The following COL6A6 variants were observed in gnomAD, a reference collection of about 807,000 sequenced individuals.
COL6A6 encodes the protein collagen alpha-6(VI) chain.
A neutral mutation model predicts 208.6 loss-of-function variants in COL6A6; 183 were observed. That is an observed-to-expected ratio of 0.88 (90% CI 0.78 to 0.99). COL6A6 has a LOEUF of 0.99. Ranked by LOEUF, COL6A6 falls within the 50% of genes least tolerant of loss-of-function variation. The probability of loss-of-function intolerance (pLI) is 0.00; values close to 1 mark genes in which losing one functional copy is unlikely to be tolerated. For synonymous variants in COL6A6, 973 were observed against 1,011.8 expected, an observed-to-expected ratio of 0.96 and a Z score of 0.73; for missense variants, 2,816 against 2,815.2, an observed-to-expected ratio of 1.00 and a Z score of -0.01.
At chr3:130,525,011 A>G (rs973421757) in intron 1 of COL6A6, among the ~76,000 whole-genome samples, 1 of 152,216 alleles carries the variant, frequency 6.6e-6, no homozygotes, top group African/African-American at 2.4e-5. Flanking sequence ...TGAACTCAGC[A>G]CTTATTAAAC....
chr3:130,642,707 C>T (rs1169798488), intron 29 of COL6A6, 125 bp from the exon 30 acceptor site: 7 of 775,246 alleles, frequency 9.0e-6, no homozygotes, highest in Admixed American at 2.8e-5. Context: ...TCTTTTTTGC[C>T]TCTTACAATT....
intron 19 of COL6A6, among the ~76,000 whole-genome samples, chr3:130,599,064 C>T (rs978728011): frequency 6.6e-6 from 1 of 152,198 alleles, no homozygotes; most frequent in African/African-American, 2.4e-5. Context: ...TGCTCCGTTG[C>T]TTACCAGCTC....
intron 28 of COL6A6, among the ~76,000 whole-genome samples, chr3:130,636,652 C>A (rs999408776): frequency 1.3e-5 from 2 of 151,876 alleles, no homozygotes; most frequent in Non-Finnish European, 2.9e-5. Flanking sequence ...TTTCTACAAA[C>A]TATACGATCT....
At chr3:130,642,890 A>G (rs757620219) in intron 30 of COL6A6, 23 bp downstream of exon 30, 2 of 1,613,830 alleles carry the variant, frequency 1.2e-6, no homozygotes, top group Non-Finnish European at 1.7e-6. Flanking sequence ...CGACTACAAC[A>G]GAGTGCTCTG....
intron 33 of COL6A6, among the ~76,000 whole-genome samples, chr3:130,655,518 T>C (rs1357477760): frequency 6.6e-6 from 1 of 152,142 alleles, no homozygotes; most frequent in Non-Finnish European, 1.5e-5. Flanking sequence ...CACAAGTTCA[T>C]GGAGCTTGAA....
intron 2 of COL6A6, among the ~76,000 whole-genome samples, chr3:130,561,016 TA>T (rs1469074960): frequency 6.6e-6 from 1 of 152,242 alleles, no homozygotes; most frequent in African/African-American, 2.4e-5. Context: ...ACTGACCTTG[TA>T]AGCAAGTTTT....
intron 22 of COL6A6, 25 bp downstream of exon 22, chr3:130,608,989 G>A (rs1385480739): frequency 1.9e-6 from 3 of 1,571,918 alleles, no homozygotes; most frequent in East Asian, 2.2e-5. Context: ...CAATCAGGGT[G>A]TGAGAACATA....
Position 130,610,670 on chromosome 3 carries a change from G to T in COL6A6, c.4774G>T (p.Val1592Leu), listed in dbSNP as rs1208749864. 1.9e-6 allele frequency: 3 copies of T among 1,592,224 alleles called. No homozygotes were observed. The South Asian group carries it at 3.5e-5, about 18-fold the overall frequency. Reference sequence around the variant, plus strand: ...TTAGGGCCCAAGAGGAGAGGCTGGTGTGAAAGGAGAAAAAGGAGGTGTGGG... The same window carrying T: ...TTAGGGCCCAAGAGGAGAGGCTGGTTTGAAAGGAGAAAAAGGAGGTGTGGG... Reference protein sequence around the residue: ...GPQGPRGEAGVKGEKGGVGSK... With the variant: ...GPQGPRGEAGLKGEKGGVGSK... The change falls in exon 23 of 37, where the codon GTG (valine) becomes TTG (leucine). Residue 1592 changes from valine (V) to leucine (L), a missense_variant. Transcript: ENST00000358511.
intron 19 of COL6A6, among the ~76,000 whole-genome samples, chr3:130,599,549 T>A (rs1445718281): frequency 6.6e-6 from 1 of 152,204 alleles, no homozygotes; most frequent in Non-Finnish European, 1.5e-5. Context: ...TGAAGCCATG[T>A]CATTAGCATT....
intron 20 of COL6A6, among the ~76,000 whole-genome samples, chr3:130,604,368 G>T (rs900336945): frequency 1.3e-5 from 2 of 152,084 alleles, no homozygotes; most frequent in Admixed American, 6.5e-5. Flanking sequence ...GGTGGCGGGC[G>T]CCTGTAGTCC....
chr3:130,562,219 A>G (rs2062907145), intron 2 of COL6A6, among the ~76,000 whole-genome samples: 1 of 152,224 alleles, frequency 6.6e-6, no homozygotes, highest in Non-Finnish European at 1.5e-5. Context: ...ATTCTATATC[A>G]TGTAAAAATG....
chr3:130,613,232 G>T, intron 23 of COL6A6, among the ~76,000 whole-genome samples: 1 of 152,182 alleles, frequency 6.6e-6, no homozygotes, highest in East Asian at 1.9e-4. Flanking sequence ...TTCTGCATAT[G>T]GCTAGCCAGT....
chr3:130,651,683 G>A (rs2065649602), intron 33 of COL6A6, among the ~76,000 whole-genome samples: 1 of 152,144 alleles, frequency 6.6e-6, no homozygotes, highest in African/African-American at 2.4e-5. Context: ...GCTATGAGAA[G>A]TAGCAGTAGC....
chr3:130,548,782 T>A (rs2062578850), intron 1 of COL6A6, among the ~76,000 whole-genome samples: 1 of 152,188 alleles, frequency 6.6e-6, no homozygotes, highest in South Asian at 2.1e-4. Context: ...GCAGTTCAGG[T>A]TTTCCTACCC....
At position 130,676,559 on chromosome 3, in the gene COL6A6, C is replaced by T. The variant is rs1344755836; in HGVS notation, c.*1162C>T. On this transcript the variant is annotated 3_prime_UTR_variant, in exon 37 of 37. Transcript: ENST00000358511. Reference sequence around the variant, plus strand: ...ATGGCCCTGTTAGGCAGACTGTCCCCCTCTTTGGGAATGGAAAGAAGCCCT... The same window carrying T: ...ATGGCCCTGTTAGGCAGACTGTCCCTCTCTTTGGGAATGGAAAGAAGCCCT... 6.6e-6 allele frequency: 1 copy of T among 152,226 alleles called. No individual in the cohort carries two copies. The highest frequency in any genetic ancestry group is 1.5e-5 in the Non-Finnish European group (1 of 68,058). The allele number at this position is 152,226 out of a possible 1,614,324, so 9.4% of individuals were successfully genotyped here.
intron 15 of COL6A6, 128 bp from the exon 16 acceptor site, chr3:130,592,932 AT>A: frequency 1.1e-6 from 1 of 910,450 alleles, no homozygotes; most frequent in Non-Finnish European, 1.7e-6. Context: ...AACCTTTAAT[AT>A]TAATAACCCA....
At chr3:130,564,822 A>T (rs1257691603) in intron 3 of COL6A6, among the ~76,000 whole-genome samples, 172 bp from the exon 4 acceptor site, 1 of 152,218 alleles carries the variant, frequency 6.6e-6, no homozygotes, top group East Asian at 1.9e-4. Flanking sequence ...AGTTTAGCTA[A>T]GATGTAGTAT....
At chr3:130,646,856 C>A (rs1232001829) in intron 32 of COL6A6, among the ~76,000 whole-genome samples, 1 of 152,094 alleles carries the variant, frequency 6.6e-6, no homozygotes, top group Non-Finnish European at 1.5e-5. Flanking sequence ...GGAGCATGAT[C>A]TGATTTTAAA....
intron 21 of COL6A6, among the ~76,000 whole-genome samples, chr3:130,607,852 C>T (rs1375830577): frequency 2.6e-5 from 4 of 152,158 alleles, no homozygotes; most frequent in South Asian, 2.1e-4. Flanking sequence ...TCTGTTTCTG[C>T]TTCTGTAACA....
Sources: allele counts gnomAD v4.1 joint callset (sites outside exome capture counted in the v4.1 genomes callset), GRCh38; gene constraint gnomAD v4.1.1; transcripts MANE v1.5; gene names NCBI Gene and HGNC (gene_info 2026-07-23, HGNC 2026-07-21).